The following CDH2 variants were observed in gnomAD, a reference collection of about 807,000 sequenced individuals.
The protein encoded by CDH2 is cadherin 2.
Under a neutral mutation model 92.0 loss-of-function variants are expected in CDH2, and 17 were observed. The ratio of observed to expected loss-of-function variants is 0.18; its 90% CI spans 0.13 to 0.28. The LOEUF (loss-of-function observed/expected upper bound fraction) is 0.28, where lower values mean the gene tolerates loss of function less well. CDH2 is among the 10% of genes least tolerant of loss of function. The probability of loss-of-function intolerance (pLI) is 1.00; values close to 1 mark genes in which losing one functional copy is unlikely to be tolerated. For missense variants in CDH2, 862 were observed against 1,133.1 expected (o/e 0.76, Z 3.44); for synonymous variants, 419 against 415.9 (o/e 1.01, Z -0.09).
chr18:28,082,123 A>C (rs1567991210), intron 2 of CDH2, among the ~76,000 whole-genome samples: 1 of 152,166 alleles, frequency 6.6e-6, no homozygotes, highest in Non-Finnish European at 1.5e-5. Context: ...AGGATTTCTA[A>C]AAAGTGTTTA....
rs776296541 is a variant in CDH2 at position 27,952,277 on chromosome 18, G to T, written c.2597C>A (p.Thr866Asn). 3 of 1,613,482 alleles carry T rather than the reference G, an allele frequency of 1.9e-6. No homozygotes were observed. The highest frequency in any genetic ancestry group is 2.5e-6 in the Non-Finnish European group (3 of 1,179,676). Reference protein sequence around the residue: ...LVFDYEGSGSTAGSLSSLNSS... With the variant: ...LVFDYEGSGSNAGSLSSLNSS... ...ATTAAGGGAGCTCAAGGACCCAGCA[G>T]TGGAGCCACTGCCTTCATAGTCAAA... Residue 866 changes from threonine to asparagine, a missense_variant, in exon 16 of 16, where the codon ACT (threonine) becomes AAT (asparagine). Coordinates refer to ENST00000269141, the MANE Select transcript of CDH2 (RefSeq NM_001792.5).
At chr18:28,165,174 CTCTT>C (rs566452527) in intron 1 of CDH2, among the ~76,000 whole-genome samples, 225 of 152,294 alleles carry the variant, frequency 1.5e-3, no homozygotes, top group African/African-American at 4.8e-3. Context: ...GAAAGCACTT[CTCTT>C]TCTATTATTA....
At chr18:28,168,243 T>G (rs2016414923) in intron 1 of CDH2, among the ~76,000 whole-genome samples, 1 of 152,018 alleles carries the variant, frequency 6.6e-6, no homozygotes, top group Non-Finnish European at 1.5e-5. Flanking sequence ...TAGTTCTAGG[T>G]TTTTCCCAGC....
chr18:27,978,212 A>C (rs996174551), intron 14 of CDH2, among the ~76,000 whole-genome samples: 1 of 151,668 alleles, frequency 6.6e-6, no homozygotes. Context: ...TATTTTTCTT[A>C]AAGAAAAAGT....
chr18:28,164,685 C>CA (rs1275768013), intron 1 of CDH2, among the ~76,000 whole-genome samples: 1 of 152,044 alleles, frequency 6.6e-6, no homozygotes, highest in Non-Finnish European at 1.5e-5. Context: ...CACACATACT[C>CA]CCACATGTGC....
chr18:28,044,084 T>C (rs1567976721), intron 2 of CDH2, among the ~76,000 whole-genome samples: 1 of 151,902 alleles, frequency 6.6e-6, no homozygotes, highest in African/African-American at 2.4e-5. Context: ...AGCTGATTTT[T>C]ATATTTTTAG....
At chr18:28,020,613 C>T (rs1396392255) in intron 2 of CDH2, among the ~76,000 whole-genome samples, 1 of 151,826 alleles carries the variant, frequency 6.6e-6, no homozygotes, top group African/African-American at 2.4e-5. Context: ...TTTTATTTTT[C>T]AAAATATGAA....
In CDH2 at chr18:28,053,045, A is replaced by G. The variant is rs565151905; in HGVS notation, c.173-39136T>C. Among the ~76,000 whole-genome samples the G allele has an allele frequency of 1.9e-3, 290 of 152,292 alleles. 1 individual carries two copies. Among genetic ancestry groups the G allele is most frequent in the African/African-American group, 6.5e-3 (270 of 41,574 alleles). On this transcript the variant is annotated intron_variant, in intron 2 of 15. Coordinates refer to ENST00000269141, the MANE Select transcript of CDH2 (RefSeq NM_001792.5). The stretch of plus-strand genomic sequence containing the variant: ...CATGCATGTGCACAGAGGGAGGACC[A>G]TGTGAGGACACAGCTAGAAGGCTAT...
chr18:27,974,198 A>C (rs1242452680), intron 14 of CDH2, among the ~76,000 whole-genome samples: 1 of 152,176 alleles, frequency 6.6e-6, no homozygotes, highest in African/African-American at 2.4e-5. Flanking sequence ...TTAATCTAAG[A>C]CTTACTTATT....
At position 27,952,161 on chromosome 18, in the gene CDH2, C is replaced by T. The variant is rs765791790; in HGVS notation, c.2713G>A (p.Asp905Asn). The T allele has an allele frequency of 6.2e-7, 1 of 1,613,330 alleles. No homozygotes were observed. The highest frequency in any genetic ancestry group is 1.3e-5 in the African/African-American group (1 of 74,984). Residue 905 changes from aspartate to asparagine, a missense_variant, in exon 16 of 16, where the codon GAT becomes AAT. By Grantham distance (23) the Asp-to-Asn change is conservative. Around this residue, in one of 5 missense-constraint regions of CDH2, gnomAD observed 114 missense variants for 144.8 expected, o/e 0.79. Transcript: ENST00000269141. ...CAAGTTCACCCTGAAGTTCAGTCATCACCTCCACCATACATGTCAGCAAGT... is the reference window on the plus strand; with the variant it reads ...CAAGTTCACCCTGAAGTTCAGTCATTACCTCCACCATACATGTCAGCAAGT... ...KKLADMYGGG[D>N]D
At chr18:28,029,514 A>C (rs1437306406) in intron 2 of CDH2, among the ~76,000 whole-genome samples, 1 of 151,972 alleles carries the variant, frequency 6.6e-6, no homozygotes, top group Non-Finnish European at 1.5e-5. Context: ...ATGAACACTT[A>C]CCTATGTGAA....
intron 2 of CDH2, 81 bp from the exon 3 acceptor site, chr18:28,013,990 C>T: frequency 2.2e-6 from 2 of 897,908 alleles, no homozygotes; most frequent in Non-Finnish European, 3.4e-6. Context: ...AAACCTATAT[C>T]CTGCTTAGGT....
chr18:28,147,585 C>G, intron 2 of CDH2, 88 bp downstream of exon 2: 1 of 738,436 alleles, frequency 1.4e-6, no homozygotes. Context: ...ACTTGTTATA[C>G]AGTAGAAATG....
At chr18:28,003,531 C>T (rs1333945272) in intron 6 of CDH2, among the ~76,000 whole-genome samples, 9 of 151,916 alleles carry the variant, frequency 5.9e-5, no homozygotes, top group East Asian at 1.9e-4. Context: ...AATTTATTGC[C>T]GCTGATTCTT....
At chr18:28,107,387 T>C (rs1478368526) in intron 2 of CDH2, among the ~76,000 whole-genome samples, 2 of 152,078 alleles carry the variant, frequency 1.3e-5, no homozygotes, top group South Asian at 2.1e-4. Context: ...TATGACGGTA[T>C]GCATATTAAA....
In CDH2 at chr18:27,952,016, G is replaced by A. The variant is rs202235245; in HGVS notation, c.*137C>T. ...TGATATTCCCTCTGAGCCCAAATTG[G>A]TTTGCAGCCTATGCCAAAGCCTCCA... On this transcript the variant is annotated 3_prime_UTR_variant, in exon 16 of 16. Coordinates refer to ENST00000269141, the MANE Select transcript of CDH2 (RefSeq NM_001792.5). The A allele has an allele frequency of 3.0e-4, 215 of 725,910 alleles. No individual in the cohort carries two copies. The highest frequency in any genetic ancestry group is 3.9e-4 in the Middle Eastern group (1 of 2,558). 45.0% of individuals were successfully genotyped at this position (725,910 alleles called of 1,614,324 possible). A position where few individuals can be genotyped will look rare whatever the true frequency, so the allele number is the denominator to read the frequency against.
intron 2 of CDH2, among the ~76,000 whole-genome samples, chr18:28,093,238 C>T (rs1441368959): frequency 6.6e-6 from 1 of 152,124 alleles, no homozygotes; most frequent in Non-Finnish European, 1.5e-5. Flanking sequence ...CAAAATCTGG[C>T]ATTTCAGAGA....
chr18:27,952,728 A>AT (rs891814414), intron 15 of CDH2, among the ~76,000 whole-genome samples: 2 of 152,166 alleles, frequency 1.3e-5, no homozygotes, highest in African/African-American at 4.8e-5. Flanking sequence ...GCTAGATTAA[A>AT]TTTAAAAAAA....
intron 2 of CDH2, among the ~76,000 whole-genome samples, chr18:28,016,665 A>G (rs1201611025): frequency 6.6e-6 from 1 of 152,136 alleles, no homozygotes; most frequent in East Asian, 1.9e-4. Flanking sequence ...TGGCTGTTTG[A>G]TTTCCAGCGG....
Sources: allele counts gnomAD v4.1 joint callset (sites outside exome capture counted in the v4.1 genomes callset), GRCh38; gene constraint gnomAD v4.1.1; regional missense constraint gnomAD v4.1.1; transcripts MANE v1.5; gene names NCBI Gene and HGNC (gene_info 2026-07-23, HGNC 2026-07-21).